RFC2: variants seen among roughly 807,000 people sequenced by gnomAD.
The protein encoded by RFC2 is replication factor C subunit 2, also known as A1 40 kDa subunit.
In RFC2, 34 loss-of-function variants were observed where a neutral mutation model predicts 44.8. The ratio of observed to expected loss-of-function variants is 0.76; its 90% CI spans 0.58 to 1.01. The LOEUF is 1.01. Among genes scored for constraint, RFC2 ranks in the 50% least tolerant of loss-of-function variants. The pLI is 0.00. For synonymous variants in RFC2, 177 were observed against 168.9 expected (o/e 1.05, Z -0.37); for missense variants, 400 against 453.6 (o/e 0.88, Z 1.07).
chr7:74,242,054 G>A (rs1243417754), intron 6 of RFC2, among the ~76,000 whole-genome samples: 1 of 152,204 alleles, frequency 6.6e-6, no homozygotes, highest in East Asian at 1.9e-4. Context: ...TGCAGAAGCA[G>A]ACAGGCTGCA....
chr7:74,237,628 G>A (rs782173100), intron 8 of RFC2, among the ~76,000 whole-genome samples, 186 bp from the exon 9 acceptor site: 11 of 152,136 alleles, frequency 7.2e-5, no homozygotes, highest in Admixed American at 6.6e-5. Context: ...AAGTGCTTCC[G>A]GCACCAGGAA....
intron 5 of RFC2, among the ~76,000 whole-genome samples, chr7:74,243,807 T>TA (rs1485068989): frequency 6.8e-6 from 1 of 147,688 alleles, no homozygotes; most frequent in Non-Finnish European, 1.5e-5. Flanking sequence ...CAAAAAATTT[T>TA]AAAAAATACA....
chr7:74,240,022 C>G lies in RFC2; in HGVS notation c.609G>C (p.Met203Ile). The G allele has an allele frequency of 1.2e-6, 2 of 1,614,062 alleles. No individual in the cohort carries two copies. Among genetic ancestry groups the G allele is most frequent in the Non-Finnish European group, 1.7e-6 (2 of 1,179,968 alleles). The change falls in exon 7 of 11, where the codon ATG (methionine) becomes ATC (isoleucine). Residue 203 changes from methionine to isoleucine, a missense_variant. By Grantham distance (10) the Met-to-Ile change is conservative (BLOSUM62 1). Transcript: ENST00000055077. ...LTDAQILTRL[M>I]NVIEKERVPY... ...GTACCCTCTCCTTCTCGATAACATT[C>G]ATCAGCCTGGTGAGGATCTGGGCGT...
chr7:74,249,552 T>A (rs75154586), intron 3 of RFC2, among the ~76,000 whole-genome samples, 187 bp downstream of exon 3: 6,624 of 149,364 alleles, frequency 0.044, 200 homozygotes, highest in African/African-American at 0.077. Flanking sequence ...GAAAAAAAAA[T>A]AAATAAATAA....
At chr7:74,235,411 AC>A in intron 10 of RFC2, 120 bp downstream of exon 10, 1 of 715,544 alleles carries the variant, frequency 1.4e-6, no homozygotes, top group Non-Finnish European at 2.6e-6. Context: ...CGAACTCCTG[AC>A]CTCAGGTGAT....
At chr7:74,249,594 C>A in intron 3 of RFC2, 145 bp downstream of exon 3, 1 of 657,344 alleles carries the variant, frequency 1.5e-6, no homozygotes, top group Non-Finnish European at 2.7e-6. Flanking sequence ...AACCCCAGGC[C>A]TCCCAACTAG....
In RFC2 at chr7:74,254,287, G is replaced by A; in HGVS notation, c.97C>T (p.His33Tyr). Reference sequence around the variant, plus strand: ...GGACCTCACCACGGCAGTTCGTAGTGGCCGGCGCTGCCGGGGGCCTTGCTG... The same window carrying A: ...GGACCTCACCACGGCAGTTCGTAGTAGCCGGCGCTGCCGGGGGCCTTGCTG... ...AFSKAPGSAGHYELPWVEKYR... is the reference protein window; with the variant it reads ...AFSKAPGSAGYYELPWVEKYR... Residue 33 changes from histidine (H) to tyrosine (Y), a missense_variant, in exon 1 of 11, where the codon CAC becomes TAC. His to Tyr is a moderately conservative substitution (Grantham distance 83). Transcript: ENST00000055077. 6.2e-7 allele frequency: 1 copy of A among 1,612,300 alleles called. No individual in the cohort carries two copies. The highest frequency in any genetic ancestry group is 8.5e-7 in the Non-Finnish European group (1 of 1,179,154).
At chr7:74,239,354 CAG>C (rs1362199809) in intron 7 of RFC2, among the ~76,000 whole-genome samples, 1 of 149,570 alleles carries the variant, frequency 6.7e-6, no homozygotes, top group Non-Finnish European at 1.5e-5. Context: ...TTTTTTGAGA[CAG>C]AGTCTCGCTC....
chr7:74,248,440 G>A (rs1300716158), intron 4 of RFC2, among the ~76,000 whole-genome samples: 1 of 151,854 alleles, frequency 6.6e-6, no homozygotes, highest in Admixed American at 6.6e-5. Flanking sequence ...GATCAGCCTG[G>A]GCAACATAGT....
intron 8 of RFC2, 105 bp from the exon 9 acceptor site, chr7:74,237,547 A>C: frequency 1.7e-6 from 1 of 585,446 alleles, no homozygotes; most frequent in Non-Finnish European, 2.8e-6. Flanking sequence ...AAACTTCTCA[A>C]CCTGTTGTTT....
intron 6 of RFC2, among the ~76,000 whole-genome samples, chr7:74,240,696 T>C (rs1803286560): frequency 6.6e-6 from 1 of 152,198 alleles, no homozygotes; most frequent in Non-Finnish European, 1.5e-5. Context: ...AGCTGTTAGA[T>C]GAGTCAGCCC....
rs1554720749 is a variant in RFC2, at chr7:74,249,778, G to A, written c.186C>T (p.Val62=). The A allele has an allele frequency of 6.2e-7, 1 of 1,613,268 alleles. No individual in the cohort carries two copies. The highest frequency in any genetic ancestry group is 8.5e-7 in the Non-Finnish European group (1 of 1,179,318). The change falls in exon 3 of 11, where the codon GTC becomes GTT. Residue 62 remains valine (V), a splice_region_variant and synonymous_variant. Transcript: ENST00000055077. ...GNEDTVSRLE[V]FAREGNVPNI... ...TGGGCACATTTCCTTCCCTTGCAAA[G>A]ACCTACGGCGAAAATGATCATTAAA...
chr7:74,237,163 G>A, intron 9 of RFC2, 199 bp downstream of exon 9: 2 of 452,148 alleles, frequency 4.4e-6, no homozygotes, highest in Non-Finnish European at 8.2e-6. Context: ...ACCCAGGCTG[G>A]GGTACAGTGG....
At chr7:74,245,714 C>CAAAAAA (rs1182981268) in intron 5 of RFC2, among the ~76,000 whole-genome samples, 1 of 65,862 alleles carries the variant, frequency 1.5e-5, no homozygotes, top group African/African-American at 5.0e-5. Context: ...CTCCGTCTCA[C>CAAAAAA]AAAAAAAAAA....
intron 7 of RFC2, 102 bp from the exon 8 acceptor site, chr7:74,239,090 T>A (rs1554718848): frequency 3.3e-6 from 3 of 901,612 alleles, no homozygotes; most frequent in Non-Finnish European, 5.2e-6. Context: ...CTCGAACTCC[T>A]GGGCTTAAGC....
At position 74,243,150 on chromosome 7, in the gene RFC2, G is replaced by C; in HGVS notation, c.531C>G (p.Ile177Met). The C allele has an allele frequency of 6.2e-7, 1 of 1,609,724 alleles. No individual in the cohort carries two copies. Among genetic ancestry groups the C allele is most frequent in the Non-Finnish European group, 8.5e-7 (1 of 1,176,080 alleles). The change falls in exon 6 of 11, where the codon ATC becomes ATG. Residue 177 changes from isoleucine to methionine, a missense_variant. Physicochemically the swap from Ile to Met is conservative, Grantham distance 10. Coordinates refer to ENST00000055077, the MANE Select transcript of RFC2 (RefSeq NM_181471.3). ...FALACNASDK[I>M]IEPIQSRCAV... ...CCACCGAAAGCTCCCACTCACCGAT[G>C]ATCTTATCCGAAGCATTACAAGCAA...
rs145834589 is a variant in RFC2 at position 74,237,939 on chromosome 7, C to T, written c.760-497G>A. Among the ~76,000 whole-genome samples, 32 of 152,298 alleles carry T rather than the reference C, an allele frequency of 2.1e-4. No individual in the cohort carries two copies. The South Asian group carries it at 4.8e-3, about 23-fold the overall frequency. On this transcript the variant is annotated intron_variant, in intron 8 of 10. Transcript: ENST00000055077. ...GGTGCATGGTGCTGGGGACTCCGTCCTCCCTGCAGCATTCTCCGCAGTGGC... is the reference window on the plus strand; with the variant it reads ...GGTGCATGGTGCTGGGGACTCCGTCTTCCCTGCAGCATTCTCCGCAGTGGC...
rs553350317 is a variant in RFC2, at chr7:74,238,021, C to A, written c.760-579G>T. The stretch of plus-strand genomic sequence containing the variant: ...CCTACATCTTCCCAATGAAAGCCTC[C>A]TGATGGCTCCAGAGGTCACCCACAC... On this transcript the variant is annotated intron_variant, in intron 8 of 10. Coordinates refer to ENST00000055077, the MANE Select transcript of RFC2 (RefSeq NM_181471.3). The surrounding 1 kb of genome is among the most constrained non-coding windows in gnomAD (Gnocchi z 4.0). 6.6e-6 allele frequency among the ~76,000 whole-genome samples: 1 copy of A among 152,216 alleles called. No individual in the cohort carries two copies. The highest frequency in any genetic ancestry group is 2.4e-5 in the African/African-American group (1 of 41,550).
Position 74,252,973 on chromosome 7 carries a change from C to A in RFC2, c.114-475G>T, listed in dbSNP as rs148741166. Among the ~76,000 whole-genome samples, 70 of 152,250 alleles carry A rather than the reference C, an allele frequency of 4.6e-4. No homozygotes were observed. The East Asian group carries it at 0.013, about 27-fold the overall frequency. On this transcript the variant is annotated intron_variant, in intron 1 of 10. Coordinates refer to ENST00000055077, the MANE Select transcript of RFC2 (RefSeq NM_181471.3). ...TAAATAAATAAAATGTAATAAGATG[C>A]CCAAGTGCCATTTGAAAAGTTAAAG...
Sources: allele counts gnomAD v4.1 joint callset (sites outside exome capture counted in the v4.1 genomes callset), GRCh38; gene constraint gnomAD v4.1.1; non-coding constraint Gnocchi (gnomAD v3.1); transcripts MANE v1.5; gene names NCBI Gene and HGNC (gene_info 2026-07-23, HGNC 2026-07-21).